Variants in GLIS3 observed in about 807,000 individuals in gnomAD.
The protein encoded by GLIS3 is zinc finger protein GLIS3.
In GLIS3, 53 loss-of-function variants were observed where a neutral mutation model predicts 78.6. That is an observed-to-expected ratio of 0.67 (90% CI 0.54 to 0.85). The LOEUF is 0.85. Ranked by LOEUF, GLIS3 falls within the 40% of genes least tolerant of loss-of-function variation. The pLI is 0.00. For missense variants in GLIS3, 1,703 were observed against 1,231.1 expected (o/e 1.38, Z -5.74); for synonymous variants, 684 against 509.9 (o/e 1.34, Z -4.60).
the GLIS3 span, among the ~76,000 whole-genome samples, chr9:4,406,780 A>G: frequency 6.6e-6 from 1 of 152,198 alleles, no homozygotes; most frequent in Non-Finnish European, 1.5e-5. Context: ...TAAAACACTC[A>G]TGAAAGAAAT....
chr9:4,078,422 G>C (rs532843327), intron 4 of GLIS3, among the ~76,000 whole-genome samples: 1 of 152,226 alleles, frequency 6.6e-6, no homozygotes, highest in Admixed American at 6.5e-5. Flanking sequence ...CACAACTCAA[G>C]TGCACTTCCA....
chr9:4,063,926 G>T (rs146110765), intron 4 of GLIS3, among the ~76,000 whole-genome samples: 1 of 152,194 alleles, frequency 6.6e-6, no homozygotes, highest in East Asian at 1.9e-4. Context: ...GAAATCATAA[G>T]TAAAGAAGAA....
the GLIS3 span, among the ~76,000 whole-genome samples, chr9:4,437,128 G>A: frequency 6.6e-6 from 1 of 152,162 alleles, no homozygotes; most frequent in African/African-American, 2.4e-5. Flanking sequence ...GTGGCAGTGT[G>A]AAGATTTTCT....
chr9:4,448,975 T>G, the GLIS3 span, among the ~76,000 whole-genome samples: 1 of 152,134 alleles, frequency 6.6e-6, no homozygotes, highest in Non-Finnish European at 1.5e-5. Flanking sequence ...GTTTGGACAG[T>G]GGGTGCAGCC....
the GLIS3 span, among the ~76,000 whole-genome samples, chr9:4,466,107 C>T: frequency 1.3e-4 from 20 of 152,040 alleles, no homozygotes; most frequent in East Asian, 3.9e-3. Context: ...TTACCAATAC[C>T]AAAAGTGAAA....
At chr9:4,437,960 T>C in the GLIS3 span, among the ~76,000 whole-genome samples, 1 of 152,208 alleles carries the variant, frequency 6.6e-6, no homozygotes, top group Admixed American at 6.5e-5. Flanking sequence ...ACAAGGCTTC[T>C]GTTCAACAGT....
At chr9:4,417,609 G>A in the GLIS3 span, among the ~76,000 whole-genome samples, 1 of 152,264 alleles carries the variant, frequency 6.6e-6, no homozygotes, top group East Asian at 1.9e-4. Context: ...TGGGGCCCTT[G>A]TGTAAATACA....
At chr9:4,468,499 G>T in the GLIS3 span, among the ~76,000 whole-genome samples, 2 of 152,138 alleles carry the variant, frequency 1.3e-5, no homozygotes, top group African/African-American at 4.8e-5. Context: ...TTAAAGAAAA[G>T]AATTTTCAAC....
chr9:4,198,545 A>C (rs1400651751), intron 2 of GLIS3, among the ~76,000 whole-genome samples: 9 of 152,210 alleles, frequency 5.9e-5, no homozygotes. Context: ...GTCTTTGAGA[A>C]ATATGGGATT....
rs1398012750 is a variant in GLIS3 at position 3,977,536 on chromosome 9, C to G, written c.1711-40347G>C. 2.0e-5 allele frequency among the ~76,000 whole-genome samples: 3 copies of G among 152,166 alleles called. No homozygotes were observed. The highest frequency in any genetic ancestry group is 7.2e-5 in the African/African-American group (3 of 41,436). ...TAGCAATTTTGAGAGCCCATCAAAA[C>G]AGCAGATATATACCCTGCTCAGATG... On this transcript the variant is annotated intron_variant, in intron 4 of 10. Transcript: ENST00000381971. The surrounding 1 kb of genome is among the most constrained non-coding windows in gnomAD (Gnocchi z 4.1).
chr9:4,116,210 C>A (rs1372201881), intron 4 of GLIS3, among the ~76,000 whole-genome samples: 1 of 152,132 alleles, frequency 6.6e-6, no homozygotes, highest in African/African-American at 2.4e-5. Flanking sequence ...TATTTTCAGC[C>A]AGGATTAGTC....
At chr9:4,350,788 G>GAGTTT (rs1563942033), upstream of GLIS3, among the ~76,000 whole-genome samples, 621 of 142,654 alleles carry the variant, frequency 4.4e-3, 2 homozygotes, top group African/African-American at 0.015. Context: ...AAAAACATCA[G>GAGTTT]GGTTTGTTTT....
At chr9:4,256,793 T>G (rs1281267572) in intron 2 of GLIS3, among the ~76,000 whole-genome samples, 1 of 71,576 alleles carries the variant, frequency 1.4e-5, no homozygotes, top group Non-Finnish European at 3.1e-5. Flanking sequence ...GTACGGAAGC[T>G]CATCAAAAAA....
the GLIS3 span, among the ~76,000 whole-genome samples, chr9:4,458,952 G>A: frequency 0.13 from 20,264 of 152,152 alleles, 1,437 homozygotes; most frequent in Admixed American, 0.16. Flanking sequence ...AGTGATAAGA[G>A]GCAAGATCAG....
At chr9:4,280,804 T>C (rs1827475750) in intron 2 of GLIS3, among the ~76,000 whole-genome samples, 2 of 151,508 alleles carry the variant, frequency 1.3e-5, no homozygotes, top group Non-Finnish European at 2.9e-5. Flanking sequence ...GCAAATGTTG[T>C]GCAATCTAGA....
In GLIS3 at chr9:4,347,926, A is replaced by G. The variant is rs1158866208; in HGVS notation, n.161+306T>C. Among the ~76,000 whole-genome samples, 5 of 152,308 alleles carry G rather than the reference A, an allele frequency of 3.3e-5. No homozygotes were observed. The East Asian group carries it at 9.7e-4, about 29-fold the overall frequency. On this transcript the variant is annotated intron_variant and non_coding_transcript_variant, in intron 1 of 4. Transcript: ENST00000471664. ...GTGGAGTTTTAGCCACACATTTAGG[A>G]TATGTGTATTCTTACCTCATTTGTT...
rs556317388 is a variant in GLIS3 at position 4,272,464 on chromosome 9, A to C, written c.388+13574T>G. 2.0e-5 allele frequency among the ~76,000 whole-genome samples: 3 copies of C among 152,268 alleles called. No homozygotes were observed. In the East Asian group the frequency reaches 5.8e-4, roughly 29 times the overall value. The stretch of plus-strand genomic sequence containing the variant: ...GAAGTCAGCATAACATGGGGTAAAA[A>C]ATACCCACCTCCTGCCGGGTGTGCT... On this transcript the variant is annotated intron_variant, in intron 2 of 10. Coordinates refer to ENST00000381971, the MANE Select transcript of GLIS3 (RefSeq NM_001042413.2).
chr9:3,955,543 T>C (rs757779816), intron 4 of GLIS3, among the ~76,000 whole-genome samples: 1 of 152,186 alleles, frequency 6.6e-6, no homozygotes, highest in Non-Finnish European at 1.5e-5. Flanking sequence ...CTTAAAAACA[T>C]CATACCAATG....
intron 4 of GLIS3, among the ~76,000 whole-genome samples, chr9:3,985,916 T>C (rs1483248530): frequency 6.6e-6 from 1 of 152,220 alleles, no homozygotes; most frequent in Non-Finnish European, 1.5e-5. Flanking sequence ...ATATTGCTAA[T>C]CTATAAACTA....
Sources: gnomAD v4.1 joint callset for allele counts (sites outside exome capture counted in the v4.1 genomes callset) on GRCh38, gnomAD v4.1.1 for gene constraint, Gnocchi (gnomAD v3.1) non-coding constraint, MANE v1.5 for transcripts, NCBI Gene and HGNC (gene_info 2026-07-23, HGNC 2026-07-21) for gene names.